Variants in NAALADL2 observed in about 807,000 individuals in gnomAD.
NAALADL2 encodes N-acetylated alpha-linked acidic dipeptidase like 2.
In NAALADL2, 76 loss-of-function variants were observed where a neutral mutation model predicts 87.2. That is an observed-to-expected ratio of 0.87 (90% confidence interval 0.72 to 1.05). NAALADL2 has a LOEUF of 1.05. Ranked by LOEUF, NAALADL2 falls within the 50% of genes least tolerant of loss-of-function variation. The pLI, the probability that NAALADL2 is intolerant of heterozygous loss-of-function variation, is 0.00. For missense variants in NAALADL2, 1,089 were observed against 945.8 expected (o/e 1.15, Z -1.99); for synonymous variants, 354 against 331.0 (o/e 1.07, Z -0.75).
At chr3:175,174,224 A>T (rs1049075512) in intron 2 of NAALADL2, among the ~76,000 whole-genome samples, 4 of 152,172 alleles carry the variant, frequency 2.6e-5, no homozygotes, top group Non-Finnish European at 5.9e-5. Flanking sequence ...TCTTAGTATT[A>T]CAAGTTACCC....
intron 1 of NAALADL2, among the ~76,000 whole-genome samples, chr3:174,877,668 TCTTAAA>T: frequency 6.6e-6 from 1 of 152,252 alleles, no homozygotes; most frequent in East Asian, 1.9e-4. Flanking sequence ...TCTATAGCTA[TCTTAAA>T]GTATTTGAAG....
At chr3:175,205,577 A>G (rs908490121) in intron 2 of NAALADL2, among the ~76,000 whole-genome samples, 7 of 152,308 alleles carry the variant, frequency 4.6e-5, no homozygotes, top group African/African-American at 1.7e-4. Context: ...AAATGCAATA[A>G]AAACAAAGAT....
intron 5 of NAALADL2, among the ~76,000 whole-genome samples, chr3:175,432,667 G>A (rs1343757109): frequency 1.3e-5 from 2 of 151,888 alleles, no homozygotes; most frequent in Non-Finnish European, 2.9e-5. Flanking sequence ...AAACATATAT[G>A]GAAAAACCCT....
At chr3:174,834,516 A>G (rs1560270972) in intron 3 of NAALADL2, among the ~76,000 whole-genome samples, 1 of 152,002 alleles carries the variant, frequency 6.6e-6, no homozygotes, top group Non-Finnish European at 1.5e-5. Context: ...TAAACTTGTA[A>G]TTTTCAAATG....
intron 9 of NAALADL2, among the ~76,000 whole-genome samples, chr3:175,533,069 CCAAA>C (rs1206952945): frequency 6.6e-6 from 1 of 152,170 alleles, no homozygotes; most frequent in Non-Finnish European, 1.5e-5. Flanking sequence ...TTCCAACTAA[CCAAA>C]CAAATAAACT....
chr3:175,230,597 A>G (rs923615811), intron 2 of NAALADL2, among the ~76,000 whole-genome samples: 3 of 152,074 alleles, frequency 2.0e-5, no homozygotes, highest in Non-Finnish European at 2.9e-5. Flanking sequence ...AGCGGAAATT[A>G]GATACAGGAG....
intron 10 of NAALADL2, among the ~76,000 whole-genome samples, chr3:175,584,946 C>T (rs1720330778): frequency 6.6e-6 from 1 of 152,040 alleles, no homozygotes; most frequent in African/African-American, 2.4e-5. Flanking sequence ...ATAGGCTACA[C>T]TAAATTTATT....
intron 9 of NAALADL2, among the ~76,000 whole-genome samples, chr3:175,555,553 C>T (rs1344827573): frequency 1.3e-5 from 2 of 152,144 alleles, no homozygotes; most frequent in Non-Finnish European, 2.9e-5. Context: ...CCAACTGTAT[C>T]ACAAGCTCCT....
Position 174,889,938 on chromosome 3 carries a change from C to G in NAALADL2, c.43+30488C>G, listed in dbSNP as rs575164614. 3.3e-5 allele frequency among the ~76,000 whole-genome samples: 5 copies of G among 152,224 alleles called. No homozygotes were observed. In the South Asian group the frequency reaches 1.0e-3, roughly 32 times the overall value. On this transcript the variant is annotated intron_variant, in intron 1 of 13. Coordinates refer to ENST00000454872, the MANE Select transcript of NAALADL2 (RefSeq NM_207015.3). ...CAAGTTTCCCTGAGGACTGGCAGCT[C>G]AGATGTGAGTGTGTGAATTTTTCCC...
intron 3 of NAALADL2, among the ~76,000 whole-genome samples, chr3:174,761,733 A>C (rs1156580642): frequency 6.6e-6 from 1 of 151,772 alleles, no homozygotes; most frequent in Non-Finnish European, 1.5e-5. Flanking sequence ...GTCATTTAGC[A>C]TTAGGTATAT....
chr3:175,100,004 ATAT>A (rs1347475585), intron 2 of NAALADL2, among the ~76,000 whole-genome samples: 7 of 150,834 alleles, frequency 4.6e-5, no homozygotes, highest in Non-Finnish European at 7.4e-5. Flanking sequence ...TTTATACAAA[ATAT>A]TATGAACATA....
chr3:175,424,781 A>G (rs1278992707), intron 5 of NAALADL2, among the ~76,000 whole-genome samples: 1 of 152,094 alleles, frequency 6.6e-6, no homozygotes, highest in Non-Finnish European at 1.5e-5. Flanking sequence ...ATGTGCCCTC[A>G]TAGTCTTAAT....
chr3:175,310,475 C>T (rs7626158), intron 4 of NAALADL2, among the ~76,000 whole-genome samples: 1,650 of 152,044 alleles, frequency 0.011, 15 homozygotes, highest in Admixed American at 0.017. Flanking sequence ...CTAAACCTAA[C>T]CAATAGCTAA....
intron 11 of NAALADL2, among the ~76,000 whole-genome samples, chr3:175,693,653 A>T (rs566253168): frequency 6.6e-5 from 10 of 151,780 alleles, no homozygotes; most frequent in South Asian, 2.1e-4. Flanking sequence ...TTCTGAAATT[A>T]AAAAAAAATT....
At chr3:175,203,519 T>C (rs768140488) in intron 2 of NAALADL2, among the ~76,000 whole-genome samples, 1 of 152,182 alleles carries the variant, frequency 6.6e-6, no homozygotes, top group Non-Finnish European at 1.5e-5. Context: ...GCAGGAGCCG[T>C]CTGCTTCCTT....
At chr3:174,561,991 G>A (rs913311893) in intron 2 of NAALADL2, among the ~76,000 whole-genome samples, 1 of 151,960 alleles carries the variant, frequency 6.6e-6, no homozygotes, top group Admixed American at 6.6e-5. Context: ...TTTTTCTACA[G>A]CTATGTGAAA....
At chr3:174,472,385 T>C (rs1175186838) in intron 1 of NAALADL2, among the ~76,000 whole-genome samples, 2 of 152,212 alleles carry the variant, frequency 1.3e-5, no homozygotes, top group African/African-American at 4.8e-5. Context: ...CCATGAGTGC[T>C]TGAAGAAAGA....
rs190187316 is a variant in NAALADL2, at chr3:175,279,673, T to A, written c.939+23143T>A. 2.0e-5 allele frequency among the ~76,000 whole-genome samples: 3 copies of A among 152,052 alleles called. No homozygotes were observed. In the East Asian group the frequency reaches 5.8e-4, roughly 29 times the overall value. The stretch of plus-strand genomic sequence containing the variant: ...ATACTATTTTATTTCTTCCTGAAAT[T>A]TGAAGCAGGAAGAATGATCTAGAGT... On this transcript the variant is annotated intron_variant, in intron 4 of 13. Coordinates refer to ENST00000454872, the MANE Select transcript of NAALADL2 (RefSeq NM_207015.3).
intron 10 of NAALADL2, among the ~76,000 whole-genome samples, chr3:175,593,133 A>G (rs1053522405): frequency 6.6e-6 from 1 of 152,040 alleles, no homozygotes; most frequent in African/African-American, 2.4e-5. Flanking sequence ...CTCCGTATGC[A>G]TTAGCTCTTT....
Sources: allele counts gnomAD v4.1 joint callset (sites outside exome capture counted in the v4.1 genomes callset), GRCh38; gene constraint gnomAD v4.1.1; transcripts MANE v1.5; gene names NCBI Gene and HGNC (gene_info 2026-07-23, HGNC 2026-07-21).